NBEA: variants seen among roughly 807,000 people sequenced by gnomAD.
The protein encoded by NBEA is lysosomal-trafficking regulator 2.
In NBEA, 44 loss-of-function variants were observed where a neutral mutation model predicts 343.4. That is an observed-to-expected ratio of 0.13 (90% CI 0.10 to 0.16). NBEA has a LOEUF of 0.16. NBEA is among the 10% of genes least tolerant of loss of function. The probability of loss-of-function intolerance (pLI) is 1.00; values close to 1 mark genes in which losing one functional copy is unlikely to be tolerated. For missense variants in NBEA, 2,555 were observed against 3,631.3 expected, an observed-to-expected ratio of 0.70 and a Z score of 7.62; for synonymous variants, 1,175 against 1,238.7, an observed-to-expected ratio of 0.95 and a Z score of 1.08.
At chr13:35,132,711 A>C (rs2067493496) in intron 17 of NBEA, among the ~76,000 whole-genome samples, 1 of 152,184 alleles carries the variant, frequency 6.6e-6, no homozygotes, top group South Asian at 2.1e-4. Context: ...ATAAGTGGTT[A>C]AATGGGGCTA....
intron 39 of NBEA, among the ~76,000 whole-genome samples, chr13:35,434,334 A>T (rs2045296879): frequency 6.6e-6 from 1 of 152,188 alleles, no homozygotes; most frequent in Admixed American, 6.5e-5. Context: ...AATATTCTTT[A>T]TATGTACTAT....
In NBEA at chr13:35,298,233, A is replaced by G. The variant is rs1170794730; in HGVS notation, c.5838+7783A>G. Among the ~76,000 whole-genome samples, 9 of 143,178 alleles carry G rather than the reference A, an allele frequency of 6.3e-5. 1 individual carries two copies. The highest frequency in any genetic ancestry group is 5.1e-5 in the African/African-American group (2 of 39,106). 93.9% of individuals were successfully genotyped at this position (143,178 alleles called of 152,430 possible). A position where few individuals can be genotyped will look rare whatever the true frequency, so the allele number is the denominator to read the frequency against. On this transcript the variant is annotated intron_variant, in intron 35 of 58. Transcript: ENST00000379939. Reference sequence around the variant, plus strand: ...TGTGTATATATATATATATATATATATATATATATATATATGTATATGCTT... The same window carrying G: ...TGTGTATATATATATATATATATATGTATATATATATATATGTATATGCTT...
At chr13:35,098,153 AT>A in intron 10 of NBEA, 143 bp from the exon 11 acceptor site, 1 of 517,354 alleles carries the variant, frequency 1.9e-6, no homozygotes. Context: ...TTCTTTCATA[AT>A]ATAAGGCATA....
rs144064491 is a variant in NBEA, at chr13:35,398,043, C to A, written c.6180-34226C>A. Among the ~76,000 whole-genome samples the A allele has an allele frequency of 2.6e-3, 402 of 152,214 alleles. 4 individuals carry two copies. Among genetic ancestry groups the A allele is most frequent in the African/African-American group, 8.8e-3 (367 of 41,560 alleles). On this transcript the variant is annotated intron_variant, in intron 38 of 58. Coordinates refer to ENST00000379939, the MANE Select transcript of NBEA (RefSeq NM_001385012.1). ...CAAAATTGGAGTCAGTCCTCTCAAA[C>A]CCTGCAGCTGCTTTATCAATTAAGT... is the stretch of plus-strand genomic sequence containing the variant.
At chr13:35,089,732 A>T (rs1235149493) in intron 10 of NBEA, among the ~76,000 whole-genome samples, 1 of 146,580 alleles carries the variant, frequency 6.8e-6, no homozygotes, top group East Asian at 2.0e-4. Context: ...ATGCAGCCAT[A>T]AAAAATGATG....
chr13:35,214,639 G>C (rs2073963334), intron 33 of NBEA, among the ~76,000 whole-genome samples: 1 of 151,352 alleles, frequency 6.6e-6, no homozygotes, highest in African/African-American at 2.4e-5. Flanking sequence ...GTTCCATTTT[G>C]TTGTATATAT....
intron 1 of NBEA, among the ~76,000 whole-genome samples, chr13:35,006,262 A>G (rs1198579028): frequency 6.6e-6 from 1 of 151,636 alleles, no homozygotes; most frequent in East Asian, 1.9e-4. Flanking sequence ...CCCCTTTATT[A>G]ACCTTAAAAA....
rs573440462 is a variant in NBEA at position 35,446,514 on chromosome 13, A to G, written c.6305-5578A>G. ...GATATAAATGTTATACAGAGATGGA[A>G]ATAATCAACCTGACTGAATCCTGAA... On this transcript the variant is annotated intron_variant, in intron 39 of 58. Transcript: ENST00000379939. Among the ~76,000 whole-genome samples, 3 of 152,284 alleles carry G rather than the reference A, an allele frequency of 2.0e-5. No individual in the cohort carries two copies. In the South Asian group the frequency reaches 6.2e-4, roughly 32 times the overall value.
chr13:35,253,799 C>T (rs1202895826), intron 34 of NBEA, among the ~76,000 whole-genome samples: 1 of 151,880 alleles, frequency 6.6e-6, no homozygotes, highest in Non-Finnish European at 1.5e-5. Context: ...AAATTGCTTA[C>T]CCTTGATCTA....
At chr13:35,047,204 T>C (rs2062888395) in intron 4 of NBEA, among the ~76,000 whole-genome samples, 1 of 140,368 alleles carries the variant, frequency 7.1e-6, no homozygotes, top group African/African-American at 2.7e-5. Context: ...TTTGAAATTG[T>C]GTGTGTGTGT....
At chr13:35,133,267 C>T (rs1451908788) in intron 17 of NBEA, among the ~76,000 whole-genome samples, 1 of 152,102 alleles carries the variant, frequency 6.6e-6, no homozygotes, top group East Asian at 1.9e-4. Context: ...TACTCAACTT[C>T]AGTAGTAATC....
intron 18 of NBEA, among the ~76,000 whole-genome samples, chr13:35,152,438 A>T (rs1261880183): frequency 6.6e-6 from 1 of 152,152 alleles, no homozygotes; most frequent in African/African-American, 2.4e-5. Flanking sequence ...TGGCAGTTAG[A>T]TGCAACAGCA....
At chr13:35,108,278 G>A (rs990978216) in intron 11 of NBEA, among the ~76,000 whole-genome samples, 3 of 151,978 alleles carry the variant, frequency 2.0e-5, no homozygotes, top group African/African-American at 7.2e-5. Context: ...ACTAGATGAG[G>A]AAGAAAAGAT....
intron 39 of NBEA, 37 bp from the exon 40 acceptor site, chr13:35,452,055 A>T: frequency 6.7e-7 from 1 of 1,503,520 alleles, no homozygotes; most frequent in Non-Finnish European, 9.2e-7. Context: ...AGAAACAATC[A>T]TAATAACCTA....
chr13:34,977,560 C>T (rs551069183), intron 1 of NBEA, among the ~76,000 whole-genome samples: 10 of 152,176 alleles, frequency 6.6e-5, no homozygotes, highest in Middle Eastern at 3.4e-3. Flanking sequence ...CCTCCCACCT[C>T]GGCCTCCCAA....
chr13:35,237,205 C>T (rs1322072536), intron 34 of NBEA, among the ~76,000 whole-genome samples: 8 of 151,902 alleles, frequency 5.3e-5, no homozygotes, highest in Admixed American at 5.3e-4. Flanking sequence ...CAGTGAGCCA[C>T]GATCGTACCA....
chr13:35,420,281 T>G (rs2044189266), intron 38 of NBEA, among the ~76,000 whole-genome samples: 1 of 152,040 alleles, frequency 6.6e-6, no homozygotes, highest in African/African-American at 2.4e-5. Flanking sequence ...TTTTATCGAG[T>G]TGAAGAAATT....
At chr13:35,335,358 G>A (rs972034715) in intron 36 of NBEA, among the ~76,000 whole-genome samples, 1 of 152,030 alleles carries the variant, frequency 6.6e-6, no homozygotes, top group Non-Finnish European at 1.5e-5. Flanking sequence ...TTGACCATTG[G>A]CTTTTTTCTA....
chr13:35,290,522 C>T, intron 35 of NBEA, 72 bp downstream of exon 35: 1 of 977,556 alleles, frequency 1.0e-6, no homozygotes, highest in Non-Finnish European at 1.6e-6. Flanking sequence ...AAAGTATGTG[C>T]ATATATATGT....
Sources: gnomAD v4.1 joint callset for allele counts (sites outside exome capture counted in the v4.1 genomes callset) on GRCh38, gnomAD v4.1.1 for gene constraint, MANE v1.5 for transcripts, NCBI Gene and HGNC (gene_info 2026-07-23, HGNC 2026-07-21) for gene names.